Variants in DNAH5 observed in about 807,000 individuals in gnomAD.
DNAH5 encodes dynein axonemal heavy chain 5.
DNAH5 carries 372 observed loss-of-function variants against 518.2 expected under a neutral mutation model. The ratio of observed to expected loss-of-function variants is 0.72; its 90% CI spans 0.66 to 0.78. DNAH5 has a LOEUF of 0.78. Ranked by LOEUF, DNAH5 falls within the 30% of genes least tolerant of loss-of-function variation. The pLI, the probability that DNAH5 is intolerant of heterozygous loss-of-function variation, is 0.00. For missense variants in DNAH5, 5,523 were observed against 5,687.0 expected, an observed-to-expected ratio of 0.97 and a Z score of 0.93; for synonymous variants, 2,039 against 2,025.9, an observed-to-expected ratio of 1.01 and a Z score of -0.17.
chr5:13,928,001 C>A, intron 3 of DNAH5, 93 bp downstream of exon 3: 2 of 1,088,550 alleles, frequency 1.8e-6, no homozygotes, highest in Non-Finnish European at 2.8e-6. Context: ...CAAGGTGAAA[C>A]AGGTCCGTTC....
chr5:13,863,460 G>A (rs1010811724), intron 28 of DNAH5, among the ~76,000 whole-genome samples: 1 of 151,752 alleles, frequency 6.6e-6, no homozygotes, highest in Non-Finnish European at 1.5e-5. Context: ...ACCTTCCCAT[G>A]TTCCCCATCT....
Position 13,811,655 on chromosome 5 carries a change from G to T in DNAH5, c.7399C>A (p.Pro2467Thr). Residue 2467 changes from proline to threonine, a missense_variant, in exon 44 of 79, where the codon CCT becomes ACT. Physicochemically the swap from Pro to Thr is conservative, Grantham distance 38 (BLOSUM62 -1). Around this residue, in one of 3 missense-constraint regions of DNAH5, gnomAD observed 5,121 missense variants for 5,223.3 expected, o/e 0.98. Coordinates refer to ENST00000265104, the MANE Select transcript of DNAH5 (RefSeq NM_001369.3). ...QSINMLQGLI[P>T]LKEQGGEVSQ... The stretch of plus-strand genomic sequence containing the variant: ...AAAGTTGAGCAATTTACCTTCAGAG[G>T]AATCAGGCCTTGAAGCATGTTAATG... 6.2e-7 allele frequency: 1 copy of T among 1,614,044 alleles called. No homozygotes were observed. Among genetic ancestry groups the T allele is most frequent in the Non-Finnish European group, 8.5e-7 (1 of 1,179,954 alleles).
intron 35 of DNAH5, among the ~76,000 whole-genome samples, chr5:13,838,677 A>G (rs1764741915): frequency 6.6e-6 from 1 of 152,206 alleles, no homozygotes. Context: ...ATCCATTACA[A>G]TGTAATAATA....
Position 13,862,633 on chromosome 5 carries a change from G to C in DNAH5, c.4711C>G (p.Leu1571Val). The C allele has an allele frequency of 6.2e-7, 1 of 1,613,948 alleles. No individual in the cohort carries two copies. Among genetic ancestry groups the C allele is most frequent in the African/African-American group, 1.3e-5 (1 of 75,010 alleles). ...GAGGTACTGTCTCCTCTCAAGAGGA[G>C]CTCTCCACGGGTTTTAAAGCTGCCG... Reference protein sequence around the residue: ...TFGSFKTRGELLLRGDSTSEI... With the variant: ...TFGSFKTRGEVLLRGDSTSEI... Residue 1571 changes from leucine to valine, a missense_variant, in exon 29 of 79, where the codon CTC (leucine) becomes GTC (valine). Leu to Val is a conservative substitution (Grantham distance 32). Coordinates refer to ENST00000265104, the MANE Select transcript of DNAH5 (RefSeq NM_001369.3).
At chr5:13,830,840 C>T (rs1487366182) in intron 35 of DNAH5, 65 bp from the exon 36 acceptor site, 2 of 1,527,498 alleles carry the variant, frequency 1.3e-6, no homozygotes, top group Non-Finnish European at 1.8e-6. Flanking sequence ...TGAGACATCA[C>T]AGTGGCATGA....
At chr5:13,932,986 G>T (rs1469092564) in intron 1 of DNAH5, among the ~76,000 whole-genome samples, 2 of 152,194 alleles carry the variant, frequency 1.3e-5, no homozygotes, top group Non-Finnish European at 2.9e-5. Context: ...GTTGTGAGGA[G>T]CAGTCCTGTG....
chr5:13,771,675 C>T (rs1028418644), intron 55 of DNAH5, among the ~76,000 whole-genome samples: 2 of 152,240 alleles, frequency 1.3e-5, no homozygotes, highest in South Asian at 2.1e-4. Flanking sequence ...GCCACCACTG[C>T]GACGGGTGCC....
rs1347880034 is a variant in DNAH5, at chr5:13,814,715, T to C, written c.7120A>G (p.Lys2374Glu). ...ATGTTATGAGGCTCGAAAATGATCT[T>C]GCAGTTTGGAGCCATGGGAATCCGA... ...GDRIPMAPNC[K>E]IIFEPHNIDN... Residue 2374 changes from lysine to glutamate, a missense_variant, in exon 43 of 79, where the codon AAG becomes GAG. By Grantham distance (56) the Lys-to-Glu change is moderately conservative. Transcript: ENST00000265104. 6.2e-7 allele frequency: 1 copy of C among 1,613,976 alleles called. No individual in the cohort carries two copies. The highest frequency in any genetic ancestry group is 2.2e-5 in the East Asian group (1 of 44,884).
chr5:13,855,998 T>A (rs899652286), intron 30 of DNAH5, among the ~76,000 whole-genome samples: 6 of 152,218 alleles, frequency 3.9e-5, no homozygotes, highest in South Asian at 4.1e-4. Flanking sequence ...GCTAAAGCAC[T>A]GTTTAGAGGG....
intron 40 of DNAH5, among the ~76,000 whole-genome samples, chr5:13,822,201 C>A (rs2151818465): frequency 6.6e-6 from 1 of 151,570 alleles, no homozygotes; most frequent in South Asian, 2.1e-4. Context: ...ATTTTTAAAG[C>A]AAAATATAAA....
intron 21 of DNAH5, among the ~76,000 whole-genome samples, chr5:13,877,019 A>C (rs571038868): frequency 9.9e-5 from 15 of 152,232 alleles, no homozygotes; most frequent in Non-Finnish European, 2.1e-4. Flanking sequence ...TAATCCAAAA[A>C]GTGTTTATTC....
chr5:13,753,344 G>T lies in DNAH5; in HGVS notation c.10761C>A (p.Ser3587=), dbSNP rs1156933558. The change falls in exon 63 of 79, where the codon TCC becomes TCA. Residue 3587 remains serine, a synonymous_variant. Transcript: ENST00000265104. ...NLQGLPNDDL[S]IQNGIIVTKA... is the part of the protein sequence containing the mutation. ...TCGTGACAATAATTCCATTTTGAAT[G>T]GACAAGTCATCATTTGGCAGACCTT... is the stretch of plus-strand genomic sequence containing the variant. 1 of 1,613,844 alleles carries T rather than the reference G, an allele frequency of 6.2e-7. No individual in the cohort carries two copies. Among genetic ancestry groups the T allele is most frequent in the Non-Finnish European group, 8.5e-7 (1 of 1,179,768 alleles).
At chr5:13,986,845 C>T (rs116764795) in intron 1 of DNAH5, among the ~76,000 whole-genome samples, 261 of 152,342 alleles carry the variant, frequency 1.7e-3, no homozygotes, top group African/African-American at 6.2e-3. Context: ...ATATTTACTT[C>T]GTTCCTCTAT....
Position 13,737,250 on chromosome 5 carries a change from AC to A in DNAH5, c.11455+1del. 6.2e-7 allele frequency: 1 copy of A among 1,613,846 alleles called. No homozygotes were observed. Among genetic ancestry groups the A allele is most frequent in the Middle Eastern group, 1.7e-4 (1 of 6,058 alleles). ...ACATTTGTCTTTCATTACCAAACTC[AC>A]CAGGTCTGTATTCCTCCCGGGCTGA... On this transcript the variant is annotated splice_donor_variant, in intron 66 of 78. Transcript: ENST00000265104. LOFTEE classifies it high-confidence loss of function.
chr5:14,003,729 A>G (rs1784518736), intron 1 of DNAH5, among the ~76,000 whole-genome samples: 1 of 152,242 alleles, frequency 6.6e-6, no homozygotes. Context: ...GCTGGGTCAT[A>G]AAAGTGATGC....
intron 16 of DNAH5, among the ~76,000 whole-genome samples, chr5:13,894,095 A>G (rs1773614944): frequency 6.6e-6 from 1 of 152,128 alleles, no homozygotes; most frequent in South Asian, 2.1e-4. Flanking sequence ...GGCTCTGAAA[A>G]GTCGTCCAGC....
At chr5:13,978,083 G>C (rs1018673065) in intron 1 of DNAH5, among the ~76,000 whole-genome samples, 4 of 152,202 alleles carry the variant, frequency 2.6e-5, no homozygotes, top group African/African-American at 9.6e-5. Context: ...CGTCCCTATG[G>C]AGGGGAGAAT....
At position 13,735,126 on chromosome 5, in the gene DNAH5, T is replaced by C. The variant is rs780205801; in HGVS notation, c.11761+5A>G. On this transcript the variant is annotated splice_donor_5th_base_variant and intron_variant, in intron 68 of 78. Transcript: ENST00000265104. ...GTGCGCTATAGTCTCTATTCTTATA[T>C]TGACCTTTAATAAGAGTGAGAAACT... 122 of 1,613,372 alleles carry C rather than the reference T, an allele frequency of 7.6e-5. No homozygotes were observed. The highest frequency in any genetic ancestry group is 1.3e-4 in the East Asian group (6 of 44,878).
In DNAH5 at chr5:13,824,318, C is replaced by T. The variant is rs1762619488; in HGVS notation, c.6460G>A (p.Gly2154Ser). 6.2e-7 allele frequency: 1 copy of T among 1,613,994 alleles called. No individual in the cohort carries two copies. The highest frequency in any genetic ancestry group is 8.5e-7 in the Non-Finnish European group (1 of 1,179,992). The change falls in exon 39 of 79, where the codon GGC becomes AGC. Residue 2154 changes from glycine (G) to serine (S), a missense_variant. Physicochemically the swap from Gly to Ser is moderately conservative, Grantham distance 56. Coordinates refer to ENST00000265104, the MANE Select transcript of DNAH5 (RefSeq NM_001369.3). ...AGAACTGACAGAATGTTACGCAGGC[C>T]AAAGTCATAATGAACCTAGAGAATG... is the stretch of plus-strand genomic sequence containing the variant. ...QLSKQVHYDF[G>S]LRNILSVLRT...
Sources: gnomAD v4.1 joint callset for allele counts (sites outside exome capture counted in the v4.1 genomes callset) on GRCh38, gnomAD v4.1.1 for gene constraint, gnomAD v4.1.1 regional missense constraint, MANE v1.5 for transcripts, NCBI Gene and HGNC (gene_info 2026-07-23, HGNC 2026-07-21) for gene names.